EEF1E1: variants seen among roughly 807,000 people sequenced by gnomAD.
EEF1E1 encodes the protein eukaryotic translation elongation factor 1 epsilon-1.
Under a neutral mutation model 19.9 loss-of-function variants are expected in EEF1E1, and 19 were observed. The observed-to-expected ratio is 0.95, with a 90% CI of 0.66 to 1.40. The LOEUF (loss-of-function observed/expected upper bound fraction) is 1.40, where lower values mean the gene tolerates loss of function less well. Ranked by LOEUF, EEF1E1 falls within the 40% of genes most tolerant of loss-of-function variation. The probability of loss-of-function intolerance (pLI) is 0.00; values close to 1 mark genes in which losing one functional copy is unlikely to be tolerated. For synonymous variants in EEF1E1, 81 were observed against 80.0 expected, an observed-to-expected ratio of 1.01 and a Z score of -0.07; for missense variants, 198 against 202.2, an observed-to-expected ratio of 0.98 and a Z score of 0.13.
chr6:8,093,944 C>T (rs1022786883), intron 2 of EEF1E1, among the ~76,000 whole-genome samples: 2 of 151,874 alleles, frequency 1.3e-5, no homozygotes, highest in Admixed American at 1.3e-4. Context: ...ACTACAGGTG[C>T]GTGCCATCAC....
At chr6:8,086,102 T>C (rs1018798821) in intron 3 of EEF1E1, among the ~76,000 whole-genome samples, 1 of 152,070 alleles carries the variant, frequency 6.6e-6, no homozygotes, top group Non-Finnish European at 1.5e-5. Flanking sequence ...TTTAACATAA[T>C]CACTGAGGGA....
chr6:8,073,389 T>A, exon 4 of EEF1E1: 3 of 1,517,996 alleles, frequency 2.0e-6, no homozygotes, highest in Non-Finnish European at 1.8e-6. Context: ...TGGCACTCCA[T>A]GTAGAGTAGT....
chr6:8,091,038 T>C (rs1003990192), intron 2 of EEF1E1, among the ~76,000 whole-genome samples: 2 of 152,262 alleles, frequency 1.3e-5, no homozygotes, highest in Non-Finnish European at 2.9e-5. Flanking sequence ...CTTTTGGGTA[T>C]ATACTTACAA....
At chr6:8,079,298 G>C (rs1449537134), downstream of EEF1E1, 1 of 569,882 alleles carries the variant, frequency 1.8e-6, no homozygotes. Flanking sequence ...ATTAACTCAA[G>C]AGGAATGTAT....
At chr6:8,100,915 T>C (rs1758330811) in intron 1 of EEF1E1, among the ~76,000 whole-genome samples, 1 of 147,436 alleles carries the variant, frequency 6.8e-6, no homozygotes, top group South Asian at 2.2e-4. Flanking sequence ...ACTCATATCT[T>C]GGCAATGGTC....
chr6:8,073,785 A>G (rs747628081), intron 3 of EEF1E1, among the ~76,000 whole-genome samples: 7 of 152,248 alleles, frequency 4.6e-5, no homozygotes, highest in Non-Finnish European at 8.8e-5. Flanking sequence ...TGATGTCAGC[A>G]ATGTATTAAC....
intron 1 of EEF1E1, among the ~76,000 whole-genome samples, chr6:8,100,160 C>T (rs1446717687): frequency 6.6e-6 from 1 of 152,170 alleles, no homozygotes; most frequent in Non-Finnish European, 1.5e-5. Context: ...ACTCTGAACT[C>T]GGAAGTCTTC....
intron 1 of EEF1E1, 78 bp downstream of exon 1, chr6:8,102,357 C>T (rs886152386): frequency 3.5e-6 from 5 of 1,425,168 alleles, no homozygotes; most frequent in African/African-American, 2.9e-5. Flanking sequence ...TATCTGGTGG[C>T]CGGCCCGGGT....
intron 2 of EEF1E1, among the ~76,000 whole-genome samples, chr6:8,093,864 C>T (rs532640115): frequency 1.3e-5 from 2 of 151,978 alleles, no homozygotes; most frequent in South Asian, 4.2e-4. Flanking sequence ...GTGGAGTGAC[C>T]CTGGCTCACT....
Position 8,099,533 on chromosome 6 carries a change from G to A in EEF1E1, c.88-2066C>T, listed in dbSNP as rs553023562. ...AGGCTGAGGTGGGCGGATCACCTGA[G>A]GTCGGGAGTATGAGACTAGCCTAAC... On this transcript the variant is annotated intron_variant, in intron 1 of 3. Transcript: ENST00000379715. 1.8e-4 allele frequency among the ~76,000 whole-genome samples: 27 copies of A among 152,244 alleles called. No homozygotes were observed. The South Asian group carries it at 3.9e-3, about 22-fold the overall frequency.
chr6:8,098,775 C>T (rs982638360), intron 1 of EEF1E1, among the ~76,000 whole-genome samples: 5 of 152,130 alleles, frequency 3.3e-5, no homozygotes, highest in Non-Finnish European at 5.9e-5. Flanking sequence ...GTAACATCAA[C>T]ATGTGTGTAC....
intron 1 of EEF1E1, chr6:8,101,897 A>C: frequency 8.0e-7 from 1 of 1,248,882 alleles, no homozygotes; most frequent in Non-Finnish European, 1.0e-6. Flanking sequence ...TTTATGGTGC[A>C]ACGTGGCACT....
At chr6:8,099,536 C>T (rs146491535) in intron 1 of EEF1E1, among the ~76,000 whole-genome samples, 4,540 of 152,140 alleles carry the variant, frequency 0.03, 232 homozygotes, top group African/African-American at 0.099. Context: ...CACCTGAGGT[C>T]GGGAGTATGA....
At position 8,097,445 on chromosome 6, in the gene EEF1E1, T is replaced by C. The variant is rs1479300832; in HGVS notation, c.110A>G (p.Asn37Ser). The change falls in exon 2 of 4, where the codon AAT becomes AGT. Residue 37 changes from asparagine (N) to serine (S), a missense_variant. Coordinates refer to ENST00000379715, the MANE Select transcript of EEF1E1 (RefSeq NM_004280.5). Reference sequence around the variant, plus strand: ...AGTCAATCCTGTTAGACTTGGACCATTGTTTGTCTGAAGAACTGGAATCTT... The same window carrying C: ...AGTCAATCCTGTTAGACTTGGACCACTGTTTGTCTGAAGAACTGGAATCTT... ...ERQIPVLQTN[N>S]GPSLTGLTTI... The C allele has an allele frequency of 1.9e-6, 3 of 1,613,818 alleles. No individual in the cohort carries two copies. The highest frequency in any genetic ancestry group is 1.6e-4 in the Middle Eastern group (1 of 6,062).
intron 1 of EEF1E1, among the ~76,000 whole-genome samples, chr6:8,099,444 C>T (rs1225325885): frequency 6.6e-6 from 1 of 152,090 alleles, no homozygotes; most frequent in African/African-American, 2.4e-5. Context: ...GATAAACTAT[C>T]TAGGTTTAAG....
At chr6:8,101,243 A>AAAAAAG (rs1271033598) in intron 1 of EEF1E1, among the ~76,000 whole-genome samples, 1 of 58,470 alleles carries the variant, frequency 1.7e-5, no homozygotes, top group Non-Finnish European at 2.9e-5. Flanking sequence ...AAAAAAAAAA[A>AAAAAAG]ATATATATAT....
At chr6:8,102,377 G>A (rs959067502) in intron 1 of EEF1E1, 58 bp downstream of exon 1, 1 of 1,535,608 alleles carries the variant, frequency 6.5e-7, no homozygotes, top group Non-Finnish European at 8.9e-7. Flanking sequence ...TCCTGCCAGG[G>A]CTCGGCAGGC....
chr6:8,099,791 C>CAAAA (rs3031799), intron 1 of EEF1E1, among the ~76,000 whole-genome samples: 3,863 of 114,326 alleles, frequency 0.034, 217 homozygotes, highest in Non-Finnish European at 0.047. Context: ...CACACACACA[C>CAAAA]AAAAAAAAAA....
intron 2 of EEF1E1, among the ~76,000 whole-genome samples, chr6:8,091,607 A>G (rs181016787): frequency 5.3e-5 from 8 of 152,328 alleles, no homozygotes; most frequent in African/African-American, 1.4e-4. Context: ...TGAATACGTC[A>G]ATTTCCTGAG....
Sources: gnomAD v4.1 joint callset for allele counts (sites outside exome capture counted in the v4.1 genomes callset) on GRCh38, gnomAD v4.1.1 for gene constraint, MANE v1.5 for transcripts, NCBI Gene and HGNC (gene_info 2026-07-23, HGNC 2026-07-21) for gene names.